The following UBAP2 variants were observed in gnomAD, a reference collection of about 807,000 sequenced individuals.
The protein encoded by UBAP2 is ubiquitin associated protein 2.
UBAP2 carries 75 observed loss-of-function variants against 139.6 expected under a neutral mutation model. The ratio of observed to expected loss-of-function variants is 0.54; its 90% CI spans 0.45 to 0.65. The LOEUF (loss-of-function observed/expected upper bound fraction) is 0.65, where lower values mean the gene tolerates loss of function less well. Ranked by LOEUF, UBAP2 falls within the 30% of genes least tolerant of loss-of-function variation. UBAP2 has a pLI of 0.00. For missense variants in UBAP2, 1,368 were observed against 1,369.6 expected (o/e 1.00, Z 0.02); for synonymous variants, 526 against 526.2 (o/e 1.00, Z 0.01).
rs1416073796 is a variant in UBAP2, at chr9:33,923,879, A to G, written c.2712T>C (p.Pro904=). Residue 904 remains proline, a synonymous_variant, in exon 24 of 29, where the codon CCT becomes CCC. Coordinates refer to ENST00000379238, the MANE Select transcript of UBAP2 (RefSeq NM_001370062.2). ...HHTAQQPFVN[P]ALPPGYSYTG... is the part of the protein sequence containing the mutation. The stretch of plus-strand genomic sequence containing the variant: ...TGTAGCTATAGCCAGGTGGCAGTGC[A>G]GGATTCACGAAGGGCTGCTGGGCTG... The G allele has an allele frequency of 6.2e-7, 1 of 1,614,186 alleles. No individual in the cohort carries two copies. The highest frequency in any genetic ancestry group is 8.5e-7 in the Non-Finnish European group (1 of 1,180,024).
chr9:33,991,424 A>G (rs1587624044), intron 4 of UBAP2, among the ~76,000 whole-genome samples: 1 of 152,314 alleles, frequency 6.6e-6, no homozygotes, highest in South Asian at 2.1e-4. Context: ...TAAGTAGTCT[A>G]GTGTATCCAT....
intron 22 of UBAP2, among the ~76,000 whole-genome samples, chr9:33,925,575 T>A (rs1823357586): frequency 6.6e-6 from 1 of 152,130 alleles, no homozygotes; most frequent in Non-Finnish European, 1.5e-5. Context: ...CAGCACCACC[T>A]CCTGCAGTTT....
At chr9:33,960,938 A>G in intron 9 of UBAP2, 60 bp from the exon 10 acceptor site, 2 of 1,533,892 alleles carry the variant, frequency 1.3e-6, no homozygotes, top group Non-Finnish European at 1.8e-6. Context: ...GTCTCAGTCC[A>G]AATGATTCCT....
chr9:34,003,770 G>A (rs1822937561), intron 2 of UBAP2, among the ~76,000 whole-genome samples: 1 of 151,744 alleles, frequency 6.6e-6, no homozygotes, highest in Non-Finnish European at 1.5e-5. Context: ...GCCCAGGCTG[G>A]AGTGCAGTGG....
rs1824076567 is a variant in UBAP2 at position 33,932,547 on chromosome 9, C to T, written c.2175+15G>A. The T allele has an allele frequency of 1.4e-5, 22 of 1,613,348 alleles. No homozygotes were observed. The highest frequency in any genetic ancestry group is 3.3e-4 in the Middle Eastern group (2 of 6,084). On this transcript the variant is annotated intron_variant, in intron 19 of 28. Coordinates refer to ENST00000379238, the MANE Select transcript of UBAP2 (RefSeq NM_001370062.2). ...CAAGCATGGCGGAGGAAGAGGAAGC[C>T]GCGCAGACACTTACTGTGTGTGACG...
intron 13 of UBAP2, among the ~76,000 whole-genome samples, chr9:33,946,171 T>C (rs1358920036): frequency 6.6e-6 from 1 of 152,244 alleles, no homozygotes; most frequent in East Asian, 1.9e-4. Context: ...TTATAGACTG[T>C]TCTTATCTCT....
At chr9:33,956,333 T>C (rs2130989253) in intron 10 of UBAP2, among the ~76,000 whole-genome samples, 187 bp from the exon 11 acceptor site, 1 of 151,908 alleles carries the variant, frequency 6.6e-6, no homozygotes. Flanking sequence ...TTTTTTTTTT[T>C]TTTGAGACAG....
At chr9:34,019,099 G>A (rs1824664951) in intron 1 of UBAP2, among the ~76,000 whole-genome samples, 1 of 151,984 alleles carries the variant, frequency 6.6e-6, no homozygotes, top group Admixed American at 6.6e-5. Flanking sequence ...AAATAAGCCA[G>A]TCAAAAAAGG....
chr9:33,935,986 T>TTC, intron 16 of UBAP2, 108 bp from the exon 17 acceptor site: 1 of 1,041,588 alleles, frequency 9.6e-7, no homozygotes, highest in Non-Finnish European at 1.4e-6. Flanking sequence ...AACAATTATC[T>TTC]CTTTTATTCT....
chr9:33,935,727 T>A, intron 17 of UBAP2, 112 bp downstream of exon 17: 2 of 1,304,312 alleles, frequency 1.5e-6, no homozygotes, highest in Non-Finnish European at 2.2e-6. Flanking sequence ...AAGGGCTGCT[T>A]TTTAACGAAT....
intron 8 of UBAP2, among the ~76,000 whole-genome samples, chr9:33,965,685 T>C (rs965657709): frequency 1.3e-5 from 2 of 152,216 alleles, no homozygotes; most frequent in Non-Finnish European, 2.9e-5. Context: ...TGTATATGTG[T>C]TTATTTCTAA....
chr9:34,023,421 A>G (rs1008891781), intron 1 of UBAP2, among the ~76,000 whole-genome samples: 3 of 152,316 alleles, frequency 2.0e-5, no homozygotes, highest in Admixed American at 6.5e-5. Flanking sequence ...ACATTTTGAT[A>G]TAATGTACAT....
At chr9:33,930,924 T>C (rs1168359887) in intron 19 of UBAP2, among the ~76,000 whole-genome samples, 2 of 137,718 alleles carry the variant, frequency 1.5e-5, no homozygotes, top group Non-Finnish European at 3.1e-5. Flanking sequence ...AAAAAGCGGA[T>C]GATAATGGGG....
chr9:33,990,699 A>G (rs1821634716), intron 4 of UBAP2, among the ~76,000 whole-genome samples: 1 of 141,358 alleles, frequency 7.1e-6, no homozygotes, highest in Non-Finnish European at 1.5e-5. Flanking sequence ...GCAATGGCAC[A>G]GTCTCGGCTC....
chr9:33,997,584 A>G (rs1218076817), intron 3 of UBAP2: 2 of 152,306 alleles, frequency 1.3e-5, no homozygotes, highest in East Asian at 3.9e-4. Flanking sequence ...CAGTCTTTGG[A>G]TAGCTACTAA....
In UBAP2 at chr9:33,971,721, T is replaced by A; in HGVS notation, c.609A>T (p.Thr203=). ...TFNPADYSDS[T]STDVCGTKLV... The stretch of plus-strand genomic sequence containing the variant: ...GCTTTGTCCCACACACATCTGTAGA[T>A]GTAGAATCTGAATAGTCTGCAGGAT... The change falls in exon 8 of 29, where the codon ACA becomes ACT. Residue 203 remains threonine (T), a synonymous_variant. Transcript: ENST00000379238. 1 of 1,611,998 alleles carries A rather than the reference T, an allele frequency of 6.2e-7. No homozygotes were observed. Among genetic ancestry groups the A allele is most frequent in the South Asian group, 1.1e-5 (1 of 91,048 alleles).
intron 6 of UBAP2, 45 bp downstream of exon 6, chr9:33,986,715 T>C: frequency 6.5e-7 from 1 of 1,535,318 alleles, no homozygotes. Flanking sequence ...TGCCTGCTTC[T>C]TCCCCCTAAT....
At chr9:34,048,962 A>C (rs1827881461), upstream of UBAP2, 1 of 152,116 alleles carries the variant, frequency 6.6e-6, no homozygotes, top group Non-Finnish European at 1.5e-5. Context: ...GCGAAGGAGG[A>C]GCCACAACAC....
chr9:34,045,691 GAGCATC>G (rs989514377), intron 1 of UBAP2, among the ~76,000 whole-genome samples: 4 of 152,104 alleles, frequency 2.6e-5, no homozygotes, highest in African/African-American at 9.7e-5. Context: ...AATTTTTAAG[GAGCATC>G]TTTGAGAAAC....
Sources: gnomAD v4.1 joint callset for allele counts (sites outside exome capture counted in the v4.1 genomes callset) on GRCh38, gnomAD v4.1.1 for gene constraint, MANE v1.5 for transcripts, NCBI Gene and HGNC (gene_info 2026-07-23, HGNC 2026-07-21) for gene names.